Variants in SAP30BP observed in about 807,000 individuals in gnomAD.
SAP30BP encodes SAP30-binding protein.
A neutral mutation model predicts 46.3 loss-of-function variants in SAP30BP; 31 were observed. That is an observed-to-expected ratio of 0.67 (90% CI 0.50 to 0.90). SAP30BP has a LOEUF of 0.90. Ranked by LOEUF, SAP30BP falls within the 40% of genes least tolerant of loss-of-function variation. SAP30BP has a pLI of 0.00. For missense variants in SAP30BP, 312 were observed against 391.0 expected (o/e 0.80, Z 1.70); for synonymous variants, 169 against 144.2 (o/e 1.17, Z -1.23).
chr17:75,672,964 AAAAAAAAAAC>A (rs961334509), intron 3 of SAP30BP, among the ~76,000 whole-genome samples: 2 of 150,986 alleles, frequency 1.3e-5, no homozygotes, highest in African/African-American at 2.4e-5. Flanking sequence ...ATCTGTCTCA[AAAAAAAAAAC>A]AAAAAAAAAC....
intron 3 of SAP30BP, among the ~76,000 whole-genome samples, chr17:75,674,845 G>A (rs2059966354): frequency 6.6e-6 from 1 of 151,220 alleles, no homozygotes; most frequent in Admixed American, 6.6e-5. Flanking sequence ...GGGACTACAG[G>A]TGTGTGCATC....
rs1461917379 is a variant in SAP30BP, at chr17:75,702,986, C to G, written c.489-325C>G. The G allele has an allele frequency of 1.3e-5, 5 of 392,574 alleles. No individual in the cohort carries two copies. In the Admixed American group the frequency reaches 2.0e-4, roughly 16 times the overall value. The allele number at this position is 392,574 out of a possible 1,614,324, so 24.3% of individuals were successfully genotyped here. ...GACCAGAGCGATGTCTGGTCTTCCT[C>G]CATTGAATGTTCAAGCTAGTGACAT... On this transcript the variant is annotated intron_variant, in intron 6 of 10. Coordinates refer to ENST00000584667, the MANE Select transcript of SAP30BP (RefSeq NM_013260.8).
At chr17:75,700,964 G>A (rs926484581) in intron 5 of SAP30BP, among the ~76,000 whole-genome samples, 1 of 152,124 alleles carries the variant, frequency 6.6e-6, no homozygotes, top group African/African-American at 2.4e-5. Context: ...CAAGTCATCT[G>A]TATGACATGG....
chr17:75,702,865 C>T, intron 6 of SAP30BP: 1 of 317,390 alleles, frequency 3.2e-6, no homozygotes, highest in Non-Finnish European at 5.8e-6. Context: ...CTCTCAAGTC[C>T]CCTGTCCTCA....
chr17:75,695,857 G>A (rs1955430526), intron 4 of SAP30BP, among the ~76,000 whole-genome samples: 1 of 152,168 alleles, frequency 6.6e-6, no homozygotes, highest in African/African-American at 2.4e-5. Flanking sequence ...GCCCTCCAGG[G>A]CCTCGCAGAT....
intron 3 of SAP30BP, among the ~76,000 whole-genome samples, chr17:75,674,953 T>G (rs75814518): frequency 0.023 from 3,456 of 152,146 alleles, 60 homozygotes; most frequent in Non-Finnish European, 0.037. Context: ...TCTGCCCACA[T>G]TGGCTTCCCA....
intron 3 of SAP30BP, among the ~76,000 whole-genome samples, chr17:75,682,622 T>A (rs768994161): frequency 6.6e-6 from 1 of 152,180 alleles, no homozygotes. Flanking sequence ...ATAATTATAA[T>A]AGCAATATGA....
chr17:75,688,750 C>T (rs2060198714), intron 3 of SAP30BP, among the ~76,000 whole-genome samples: 1 of 152,174 alleles, frequency 6.6e-6, no homozygotes, highest in Non-Finnish European at 1.5e-5. Context: ...GTTGTTACTT[C>T]CTTCCTGCGC....
intron 3 of SAP30BP, among the ~76,000 whole-genome samples, chr17:75,674,687 TTTGTTTTTTG>T: frequency 1.6e-5 from 1 of 63,420 alleles, no homozygotes; most frequent in African/African-American, 4.9e-5. Context: ...AGTTTTTTTG[TTTGTTTTTTG>T]TTTTTTTTTT....
intron 9 of SAP30BP, chr17:75,705,200 T>C (rs1478764965): frequency 1.2e-5 from 3 of 250,278 alleles, no homozygotes; most frequent in Non-Finnish European, 1.6e-5. Context: ...CTGCCCTCAG[T>C]GGCTCGCCTG....
intron 3 of SAP30BP, among the ~76,000 whole-genome samples, chr17:75,686,389 G>A (rs916056439): frequency 2.6e-5 from 4 of 152,120 alleles, no homozygotes; most frequent in African/African-American, 7.2e-5. Flanking sequence ...GGTGGCGGGC[G>A]CCTATAGTCC....
intron 4 of SAP30BP, among the ~76,000 whole-genome samples, chr17:75,694,545 A>G (rs1463795883): frequency 6.6e-6 from 1 of 152,254 alleles, no homozygotes; most frequent in African/African-American, 2.4e-5. Flanking sequence ...CTTCTTTAGA[A>G]AGTGACGCCT....
At chr17:75,704,295 G>C (rs2060460921) in intron 8 of SAP30BP, among the ~76,000 whole-genome samples, 2 of 152,232 alleles carry the variant, frequency 1.3e-5, no homozygotes, top group African/African-American at 4.8e-5. Flanking sequence ...GGAGCACTGG[G>C]AGAAATGTCA....
intron 4 of SAP30BP, among the ~76,000 whole-genome samples, chr17:75,698,670 T>C (rs1190312671): frequency 6.6e-6 from 1 of 152,076 alleles, no homozygotes; most frequent in Non-Finnish European, 1.5e-5. Flanking sequence ...TACAGACATA[T>C]GCAGTGGTGG....
At chr17:75,682,689 C>A (rs376033400) in intron 3 of SAP30BP, among the ~76,000 whole-genome samples, 1 of 151,910 alleles carries the variant, frequency 6.6e-6, no homozygotes. Flanking sequence ...TGAGGCTGGG[C>A]GCAGTGGCTC....
chr17:75,700,048 G>C (rs771566319), intron 5 of SAP30BP, 177 bp downstream of exon 5: 2 of 504,662 alleles, frequency 4.0e-6, no homozygotes, highest in East Asian at 6.7e-5. Context: ...CCTCATCTCA[G>C]GAGTTGGCTC....
intron 3 of SAP30BP, among the ~76,000 whole-genome samples, chr17:75,688,804 G>A (rs576353747): frequency 6.6e-6 from 1 of 152,294 alleles, no homozygotes; most frequent in East Asian, 1.9e-4. Context: ...ATTCTCTGCA[G>A]GAGGAACCAT....
intron 7 of SAP30BP, 125 bp downstream of exon 7, chr17:75,703,496 CCT>C (rs2060446310): frequency 2.5e-6 from 2 of 795,176 alleles, no homozygotes; most frequent in Non-Finnish European, 4.2e-6. Flanking sequence ...AAGCACAGTC[CCT>C]GTCTCTTTTG....
chr17:75,677,266 G>A (rs1357811317), intron 3 of SAP30BP, among the ~76,000 whole-genome samples: 2 of 151,134 alleles, frequency 1.3e-5, no homozygotes, highest in Non-Finnish European at 2.9e-5. Context: ...CACCATGGCC[G>A]GCTAATTTTT....
Sources: allele counts gnomAD v4.1 joint callset (sites outside exome capture counted in the v4.1 genomes callset), GRCh38; gene constraint gnomAD v4.1.1; transcripts MANE v1.5; gene names NCBI Gene and HGNC (gene_info 2026-07-23, HGNC 2026-07-21).